SLC25A21: variants seen among roughly 807,000 people sequenced by gnomAD.
The protein encoded by SLC25A21 is solute carrier family 25 member 21, also known as mitochondrial 2-oxodicarboxylate carrier.
A neutral mutation model predicts 43.8 loss-of-function variants in SLC25A21; 47 were observed. That is an observed-to-expected ratio of 1.07 (90% CI 0.85 to 1.37). SLC25A21 has a LOEUF of 1.37. Among genes scored for constraint, SLC25A21 ranks in the 40% most tolerant of loss-of-function variants. The probability of loss-of-function intolerance (pLI) is 0.00; values close to 1 mark genes in which losing one functional copy is unlikely to be tolerated. For missense variants in SLC25A21, 352 were observed against 350.2 expected (o/e 1.00, Z -0.04); for synonymous variants, 131 against 121.3 (o/e 1.08, Z -0.52).
chr14:36,791,361 T>A (rs1887478548), intron 3 of SLC25A21, among the ~76,000 whole-genome samples: 1 of 152,258 alleles, frequency 6.6e-6, no homozygotes, highest in African/African-American at 2.4e-5. Context: ...AAAAACACCC[T>A]ACCTGCTTTT....
At chr14:36,994,236 G>T (rs796842652) in intron 1 of SLC25A21, among the ~76,000 whole-genome samples, 1 of 152,082 alleles carries the variant, frequency 6.6e-6, no homozygotes, top group Non-Finnish European at 1.5e-5. Flanking sequence ...TCTAGAAAAA[G>T]AAAATGCATT....
At chr14:36,813,201 C>T (rs890328873) in intron 3 of SLC25A21, among the ~76,000 whole-genome samples, 10 of 152,080 alleles carry the variant, frequency 6.6e-5, no homozygotes, top group African/African-American at 2.4e-4. Context: ...TCTCCTAATG[C>T]TATCCCTCCC....
intron 1 of SLC25A21, among the ~76,000 whole-genome samples, chr14:36,957,259 G>A (rs968810260): frequency 6.6e-6 from 1 of 152,150 alleles, no homozygotes. Flanking sequence ...CTCAAGGAAG[G>A]GGCAATGCAA....
chr14:36,977,689 T>C lies in SLC25A21; in HGVS notation c.71-102685A>G, dbSNP rs561678093. Among the ~76,000 whole-genome samples the C allele has an allele frequency of 1.7e-4, 26 of 152,342 alleles. No homozygotes were observed. In the South Asian group the frequency reaches 3.5e-3, roughly 21 times the overall value. On this transcript the variant is annotated intron_variant, in intron 1 of 9. Transcript: ENST00000331299. The stretch of plus-strand genomic sequence containing the variant: ...GTGTTTTCTTCTATCCTAGTAATTA[T>C]ATAACAGTATACGACACTATTATTT...
In SLC25A21 at chr14:36,679,618, ATT is replaced by A. The variant is rs1298807692; in HGVS notation, c.*1038_*1039del. On this transcript the variant is annotated 3_prime_UTR_variant, in exon 10 of 10. Coordinates refer to ENST00000331299, the MANE Select transcript of SLC25A21 (RefSeq NM_030631.4). ...GCTAAGTGTATTTCTTTTTCAGAAC[ATT>A]TCCCCTTCATCATACATATTTTAAT... 2 of 985,210 alleles carry A rather than the reference ATT, an allele frequency of 2.0e-6. No individual in the cohort carries two copies. The highest frequency in any genetic ancestry group is 2.3e-4 in the East Asian group (2 of 8,824). 61.0% of individuals were successfully genotyped at this position (985,210 alleles called of 1,614,324 possible). A position where few individuals can be genotyped will look rare whatever the true frequency, so the allele number is the denominator to read the frequency against.
At chr14:36,967,134 G>A (rs536548352) in intron 1 of SLC25A21, among the ~76,000 whole-genome samples, 4 of 152,122 alleles carry the variant, frequency 2.6e-5, no homozygotes, top group South Asian at 2.1e-4. Context: ...AGATTTATGG[G>A]TTGTAGGTCT....
At chr14:36,822,530 AGT>A (rs1457821801) in intron 2 of SLC25A21, among the ~76,000 whole-genome samples, 1 of 152,222 alleles carries the variant, frequency 6.6e-6, no homozygotes, top group East Asian at 1.9e-4. Context: ...GAGACCAATA[AGT>A]GTCTCTATGT....
chr14:36,931,481 T>G (rs796563982), intron 1 of SLC25A21, among the ~76,000 whole-genome samples: 2 of 152,018 alleles, frequency 1.3e-5, no homozygotes, highest in African/African-American at 2.4e-5. Context: ...TGCTTTAGAG[T>G]GTAAAGAGAA....
At chr14:37,030,672 T>G (rs569677767) in intron 1 of SLC25A21, among the ~76,000 whole-genome samples, 2 of 152,294 alleles carry the variant, frequency 1.3e-5, no homozygotes, top group South Asian at 4.2e-4. Flanking sequence ...AATTTTTTGG[T>G]GTAAAAGGTT....
intron 3 of SLC25A21, among the ~76,000 whole-genome samples, chr14:36,781,273 T>A (rs763811507): frequency 5.3e-5 from 8 of 152,284 alleles, no homozygotes; most frequent in Middle Eastern, 3.4e-3. Flanking sequence ...ATAGTTTTTT[T>A]AAATCCGTTC....
At chr14:36,972,659 G>A (rs1959778008) in intron 1 of SLC25A21, among the ~76,000 whole-genome samples, 1 of 152,124 alleles carries the variant, frequency 6.6e-6, no homozygotes, top group Non-Finnish European at 1.5e-5. Flanking sequence ...GGGAGGTTTA[G>A]AGAATTCAAA....
In SLC25A21 at chr14:36,774,689, C is replaced by T. The variant is rs530402993; in HGVS notation, c.203+39229G>A. ...CTCAAGGATCCTCCCCCTCAGCCTCCTGAGTAGCTGGGATGACAGGCATGT... is the reference window on the plus strand; with the variant it reads ...CTCAAGGATCCTCCCCCTCAGCCTCTTGAGTAGCTGGGATGACAGGCATGT... On this transcript the variant is annotated intron_variant, in intron 3 of 9. Coordinates refer to ENST00000331299, the MANE Select transcript of SLC25A21 (RefSeq NM_030631.4). 9.2e-5 allele frequency among the ~76,000 whole-genome samples: 14 copies of T among 152,212 alleles called. No homozygotes were observed. The East Asian group carries it at 2.7e-3, about 29-fold the overall frequency.
At chr14:36,889,484 T>C (rs1891018661) in intron 1 of SLC25A21, among the ~76,000 whole-genome samples, 1 of 152,146 alleles carries the variant, frequency 6.6e-6, no homozygotes, top group Admixed American at 6.6e-5. Flanking sequence ...CTTAATCAAT[T>C]AATTAATTTG....
intron 1 of SLC25A21, among the ~76,000 whole-genome samples, chr14:37,170,366 T>C (rs1187646955): frequency 1.3e-5 from 2 of 152,172 alleles, no homozygotes; most frequent in Admixed American, 1.3e-4. Flanking sequence ...TCTTTGAGTT[T>C]AGCTGTGCCT....
intron 3 of SLC25A21, among the ~76,000 whole-genome samples, chr14:36,762,277 T>C (rs1886187191): frequency 1.3e-5 from 2 of 152,258 alleles, no homozygotes; most frequent in Non-Finnish European, 2.9e-5. Context: ...ATTATCTCAT[T>C]GAATTCTCAC....
intron 3 of SLC25A21, among the ~76,000 whole-genome samples, chr14:36,778,930 T>C (rs78620756): frequency 0.012 from 1,881 of 152,142 alleles, 30 homozygotes; most frequent in African/African-American, 0.044. Context: ...CAGAATGTAT[T>C]CACCTTATAA....
intron 1 of SLC25A21, among the ~76,000 whole-genome samples, chr14:37,063,991 G>A (rs1962006241): frequency 6.6e-6 from 1 of 152,126 alleles, no homozygotes; most frequent in Admixed American, 6.5e-5. Flanking sequence ...CTAGATAACT[G>A]GTAAAGCATT....
intron 1 of SLC25A21, among the ~76,000 whole-genome samples, chr14:37,145,658 G>GA (rs1481631632): frequency 6.6e-6 from 1 of 152,008 alleles, no homozygotes; most frequent in Admixed American, 6.6e-5. Context: ...AGATGGGCTG[G>GA]AAAAAACTAC....
intron 1 of SLC25A21, among the ~76,000 whole-genome samples, chr14:37,078,554 G>A (rs938434361): frequency 3.9e-5 from 6 of 152,062 alleles, no homozygotes; most frequent in African/African-American, 1.4e-4. Context: ...TCAGTCAAAG[G>A]CCCTTAATAA....
Sources: gnomAD v4.1 joint callset for allele counts (sites outside exome capture counted in the v4.1 genomes callset) on GRCh38, gnomAD v4.1.1 for gene constraint, MANE v1.5 for transcripts, NCBI Gene and HGNC (gene_info 2026-07-23, HGNC 2026-07-21) for gene names.